The following NCOR1 variants were observed in gnomAD, a reference collection of about 807,000 sequenced individuals.
NCOR1 encodes the protein protein phosphatase 1, regulatory subunit 109.
NCOR1 carries 63 observed loss-of-function variants against 288.1 expected under a neutral mutation model. That is an observed-to-expected ratio of 0.22 (90% CI 0.18 to 0.27). NCOR1 has a LOEUF of 0.27. Among genes scored for constraint, NCOR1 ranks in the 10% least tolerant of loss-of-function variants. The probability of loss-of-function intolerance (pLI) is 1.00; values close to 1 mark genes in which losing one functional copy is unlikely to be tolerated. For synonymous variants in NCOR1, 1,007 were observed against 1,065.9 expected (o/e 0.94, Z 1.08); for missense variants, 2,397 against 3,019.2 (o/e 0.79, Z 4.83).
chr17:16,183,670 T>C (rs183072334), intron 3 of NCOR1, among the ~76,000 whole-genome samples: 4 of 152,014 alleles, frequency 2.6e-5, no homozygotes, highest in African/African-American at 9.7e-5. Context: ...CAAAGAAATA[T>C]ACAGTACAGA....
intron 1 of NCOR1, among the ~76,000 whole-genome samples, chr17:16,205,167 C>T (rs1474765390): frequency 1.3e-5 from 2 of 151,702 alleles, no homozygotes; most frequent in South Asian, 2.1e-4. Flanking sequence ...TTGAGGTGAG[C>T]TGAAATCCTG....
At chr17:16,095,327 G>T (rs1174943392) in intron 21 of NCOR1, among the ~76,000 whole-genome samples, 1 of 149,722 alleles carries the variant, frequency 6.7e-6, no homozygotes, top group East Asian at 2.0e-4. Flanking sequence ...CCCTCTGCCC[G>T]GCTGCCACCC....
At chr17:16,183,020 GAAGGA>G (rs1315836747) in intron 3 of NCOR1, among the ~76,000 whole-genome samples, 1 of 151,902 alleles carries the variant, frequency 6.6e-6, no homozygotes, top group Non-Finnish European at 1.5e-5. Flanking sequence ...TTTAGGAAAA[GAAGGA>G]AAGTTCCTTA....
chr17:16,200,321 A>C (rs1041186808), intron 1 of NCOR1, among the ~76,000 whole-genome samples: 1 of 151,544 alleles, frequency 6.6e-6, no homozygotes, highest in Non-Finnish European at 1.5e-5. Context: ...CTCCATCTCT[A>C]CTAAAACACA....
Position 16,137,346 on chromosome 17 carries a change from T to C in NCOR1, c.1474A>G (p.Arg492Gly). The C allele has an allele frequency of 6.2e-7, 1 of 1,604,958 alleles. No individual in the cohort carries two copies. Among genetic ancestry groups the C allele is most frequent in the Non-Finnish European group, 8.5e-7 (1 of 1,174,878 alleles). ...KKNENYKALV[R>G]RNYGKRRGRN... is the part of the protein sequence containing the mutation. ...CCTCTGCGTTTCCCATAATTCCTTC[T>C]GACGAGGGCTTTATAATTCTCATTT... is the stretch of plus-strand genomic sequence containing the variant. Residue 492 changes from arginine to glycine, a missense_variant, in exon 14 of 46, where the codon AGA becomes GGA. By Grantham distance (125) the Arg-to-Gly change is moderately radical (BLOSUM62 -2). Coordinates refer to ENST00000268712, the MANE Select transcript of NCOR1 (RefSeq NM_006311.4).
chr17:16,151,600 G>A (rs1252213153), intron 8 of NCOR1: 1 of 1,336,710 alleles, frequency 7.5e-7, no homozygotes, highest in Non-Finnish European at 9.9e-7. Flanking sequence ...TTCATCATGC[G>A]CCTTGCAGGT....
At chr17:16,164,937 A>G (rs745851950) in intron 5 of NCOR1, 42 bp downstream of exon 5, 1 of 1,363,448 alleles carries the variant, frequency 7.3e-7, no homozygotes, top group African/African-American at 1.5e-5. Flanking sequence ...CTGTAGGGAG[A>G]CAAACATACA....
At chr17:16,182,685 C>T (rs995989195) in intron 3 of NCOR1, among the ~76,000 whole-genome samples, 1 of 152,162 alleles carries the variant, frequency 6.6e-6, no homozygotes, top group South Asian at 2.1e-4. Context: ...ATCTCCTGAC[C>T]TCGTGATCCG....
At chr17:16,107,427 A>G (rs932781666) in intron 19 of NCOR1, among the ~76,000 whole-genome samples, 4 of 152,186 alleles carry the variant, frequency 2.6e-5, no homozygotes, top group Non-Finnish European at 4.4e-5. Context: ...AGGAAAGGCC[A>G]TGTAAGGACA....
rs201953561 is a variant in NCOR1, at chr17:16,029,342, C to CTGAT, written c.*2950_*2953dup. On this transcript the variant is annotated 3_prime_UTR_variant, in exon 46 of 46. Transcript: ENST00000268712. ...GCAAAAGGAGGACTGATCTCCTTTA[C>CTGAT]TGATTGGTCTAAATTCAAAAGTGAA... The CTGAT allele has an allele frequency of 3.9e-3, 1,636 of 414,876 alleles. 28 individuals carry two copies. The highest frequency in any genetic ancestry group is 0.031 in the African/African-American group (1,478 of 48,232). The allele number at this position is 414,876 out of a possible 1,614,324, so 25.7% of individuals were successfully genotyped here. A position where few individuals can be genotyped will look rare whatever the true frequency, so the allele number is the denominator to read the frequency against.
Position 16,036,647 on chromosome 17 carries a change from C to T in NCOR1, c.6956-1703G>A, listed in dbSNP as rs561833557. ...ACCTTGCACTTTTATGTTACAGAGA[C>T]GGCTTCTTCAACCTCTGAATGGCCT... On this transcript the variant is annotated intron_variant, in intron 44 of 45. Coordinates refer to ENST00000268712, the MANE Select transcript of NCOR1 (RefSeq NM_006311.4). Among the ~76,000 whole-genome samples, 203 of 152,340 alleles carry T rather than the reference C, an allele frequency of 1.3e-3. 1 individual carries two copies. The highest frequency in any genetic ancestry group is 4.5e-3 in the African/African-American group (188 of 41,576).
intron 19 of NCOR1, among the ~76,000 whole-genome samples, chr17:16,102,764 T>C (rs1365978847): frequency 6.6e-6 from 1 of 152,122 alleles, no homozygotes; most frequent in African/African-American, 2.4e-5. Flanking sequence ...CGGCTAATTT[T>C]TGTATTTTTA....
intron 1 of NCOR1, among the ~76,000 whole-genome samples, chr17:16,200,921 T>C (rs144390276): frequency 6.1e-4 from 93 of 152,310 alleles, no homozygotes; most frequent in African/African-American, 2.2e-3. Context: ...CCTAAACTTA[T>C]TACAGAGCCC....
In NCOR1 at chr17:16,061,631, G is replaced by A. The variant is rs762577097; in HGVS notation, c.5651C>T (p.Ser1884Phe). Residue 1884 changes from serine to phenylalanine, a missense_variant, in exon 37 of 46, where the codon TCT (serine) becomes TTT (phenylalanine). By Grantham distance (155) the Ser-to-Phe change is radical. Around this residue, in one of 11 missense-constraint regions of NCOR1, gnomAD observed 1,872 missense variants for 2,187.8 expected, o/e 0.86. Transcript: ENST00000268712. ...GGGCTTGCCACTTGGAAAGGCTGAA[G>A]AAGTGTATAAACACTGAACAGATCT... ...EKRSVQCLYT[S>F]SAFPSGKPQP... The A allele has an allele frequency of 3.1e-6, 5 of 1,614,240 alleles. No individual in the cohort carries two copies. In the South Asian group the frequency reaches 4.4e-5, roughly 14 times the overall value.
At chr17:16,181,147 A>C (rs1053016533) in intron 3 of NCOR1, among the ~76,000 whole-genome samples, 4 of 151,428 alleles carry the variant, frequency 2.6e-5, no homozygotes, top group African/African-American at 9.7e-5. Flanking sequence ...TGACAGAGTG[A>C]GACTCTGTCT....
At chr17:16,040,841 G>A (rs184008256) in intron 42 of NCOR1, 7 of 277,544 alleles carry the variant, frequency 2.5e-5, no homozygotes, top group African/African-American at 1.3e-4. Context: ...GCCAGCCTGG[G>A]CAACACAGTG....
intron 21 of NCOR1, among the ~76,000 whole-genome samples, chr17:16,093,039 A>G (rs2065696369): frequency 6.6e-6 from 1 of 151,978 alleles, no homozygotes; most frequent in African/African-American, 2.4e-5. Context: ...AATGTCATCC[A>G]TTTGTTAATG....
chr17:16,186,086 G>A (rs2086623448), intron 3 of NCOR1, among the ~76,000 whole-genome samples: 1 of 152,180 alleles, frequency 6.6e-6, no homozygotes, highest in Non-Finnish European at 1.5e-5. Flanking sequence ...TATCAGTTGA[G>A]GACAATGCCA....
intron 42 of NCOR1, among the ~76,000 whole-genome samples, chr17:16,044,168 C>CAAAAAAAA (rs34691717): frequency 1.8e-4 from 15 of 82,624 alleles, no homozygotes; most frequent in African/African-American, 2.8e-4. Context: ...GACTCCATCT[C>CAAAAAAAA]AAAAAAAAAA....
Sources: allele counts gnomAD v4.1 joint callset (sites outside exome capture counted in the v4.1 genomes callset), GRCh38; gene constraint gnomAD v4.1.1; regional missense constraint gnomAD v4.1.1; transcripts MANE v1.5; gene names NCBI Gene and HGNC (gene_info 2026-07-23, HGNC 2026-07-21).